The following PATJ variants were observed in gnomAD, a reference collection of about 807,000 sequenced individuals.
PATJ encodes the protein PATJ crumbs cell polarity complex component, also known as inaD-like protein.
A neutral mutation model predicts 224.9 loss-of-function variants in PATJ; 190 were observed. That is an observed-to-expected ratio of 0.84 (90% confidence interval 0.75 to 0.95). The LOEUF is 0.95. Among genes scored for constraint, PATJ ranks in the 40% least tolerant of loss-of-function variants. PATJ has a pLI of 0.00. For synonymous variants in PATJ, 769 were observed against 820.3 expected (o/e 0.94, Z 1.07); for missense variants, 2,121 against 2,270.3 (o/e 0.93, Z 1.34).
At chr1:61,914,899 A>G (rs960423853) in intron 26 of PATJ, among the ~76,000 whole-genome samples, 8 of 152,186 alleles carry the variant, frequency 5.3e-5, no homozygotes, top group African/African-American at 1.9e-4. Flanking sequence ...ATCAACGTCT[A>G]TAGATTTCTT....
intron 27 of PATJ, among the ~76,000 whole-genome samples, chr1:61,938,046 A>G (rs1460028878): frequency 4.6e-5 from 7 of 152,126 alleles, no homozygotes; most frequent in Admixed American, 6.5e-5. Context: ...TGTTTTCTCC[A>G]TCTTGGTACT....
chr1:62,154,481 C>CA (rs1187694631), intron 43 of PATJ, among the ~76,000 whole-genome samples: 1 of 151,704 alleles, frequency 6.6e-6, no homozygotes, highest in Non-Finnish European at 1.5e-5. Context: ...GTCAACATGG[C>CA]AAAACCCGTC....
At chr1:61,985,116 A>G (rs988388798) in intron 27 of PATJ, among the ~76,000 whole-genome samples, 2 of 152,088 alleles carry the variant, frequency 1.3e-5, no homozygotes, top group African/African-American at 2.4e-5. Context: ...GATCAAGACC[A>G]TCTTGGCCAA....
At chr1:62,133,559 C>CAA in intron 41 of PATJ, among the ~76,000 whole-genome samples, 1 of 152,124 alleles carries the variant, frequency 6.6e-6, no homozygotes, top group East Asian at 1.9e-4. Context: ...CCAGCCTAGT[C>CAA]GAGAGTGAGA....
At chr1:61,853,085 A>G (rs934450189) in intron 17 of PATJ, among the ~76,000 whole-genome samples, 2 of 152,202 alleles carry the variant, frequency 1.3e-5, no homozygotes, top group Non-Finnish European at 2.9e-5. Flanking sequence ...AGTGTTTAGC[A>G]TAACTAGTGG....
intron 28 of PATJ, among the ~76,000 whole-genome samples, chr1:62,001,221 T>C (rs1386150704): frequency 2.0e-5 from 3 of 151,640 alleles, no homozygotes; most frequent in African/African-American, 7.3e-5. Context: ...ATTTTGGCTT[T>C]TGTTGCCATT....
intron 27 of PATJ, among the ~76,000 whole-genome samples, chr1:61,959,229 A>G (rs1571508982): frequency 6.6e-6 from 1 of 152,138 alleles, no homozygotes; most frequent in Non-Finnish European, 1.5e-5. Context: ...CTTTTTTGAA[A>G]GAAATTAGTA....
chr1:61,791,427 A>G lies in PATJ; in HGVS notation c.1148A>G (p.Tyr383Cys), dbSNP rs373035473. ...AGTCTTGGAATTAGAATTGTTGGCT[A>G]TGTTGGAACATCTCATACAGGTAAA... is the stretch of plus-strand genomic sequence containing the variant. ...GQSLGIRIVG[Y>C]VGTSHTGEAS... is the part of the protein sequence containing the mutation. Residue 383 changes from tyrosine to cysteine, a missense_variant, in exon 9 of 44, where the codon TAT becomes TGT. By Grantham distance (194) the Tyr-to-Cys change is radical. Coordinates refer to ENST00000642238, the MANE Select transcript of PATJ (RefSeq NM_001350145.3). The G allele has an allele frequency of 3.4e-5, 54 of 1,595,662 alleles. No individual in the cohort carries two copies. Among genetic ancestry groups the G allele is most frequent in the Non-Finnish European group, 4.4e-5 (51 of 1,163,442 alleles).
At chr1:61,828,678 G>A (rs991114594) in intron 16 of PATJ, among the ~76,000 whole-genome samples, 11 of 152,110 alleles carry the variant, frequency 7.2e-5, no homozygotes, top group African/African-American at 2.4e-4. Context: ...AGGTGTGAGC[G>A]ACTGTACCCA....
At chr1:62,060,106 A>G (rs1411232995) in intron 31 of PATJ, among the ~76,000 whole-genome samples, 1 of 152,230 alleles carries the variant, frequency 6.6e-6, no homozygotes, top group East Asian at 1.9e-4. Context: ...CCTGATAGAA[A>G]CAGCAATAAT....
At chr1:61,810,509 C>T (rs34202517) in intron 14 of PATJ, among the ~76,000 whole-genome samples, 15,563 of 151,672 alleles carry the variant, frequency 0.1, 1,043 homozygotes, top group Admixed American at 0.14. Flanking sequence ...CCAGCCTGGC[C>T]AACATAGTGA....
intron 14 of PATJ, among the ~76,000 whole-genome samples, chr1:61,809,029 G>A (rs1654150921): frequency 6.6e-6 from 1 of 152,256 alleles, no homozygotes; most frequent in African/African-American, 2.4e-5. Context: ...TTCAGGTTCA[G>A]ATGTTCAAGG....
chr1:62,137,608 G>A (rs1010345564), intron 41 of PATJ, among the ~76,000 whole-genome samples: 35 of 60,910 alleles, frequency 5.7e-4, no homozygotes, highest in Non-Finnish European at 7.7e-4. Flanking sequence ...CCGGAGGGGG[G>A]GACACAGAGT....
intron 9 of PATJ, 103 bp downstream of exon 9, chr1:61,791,550 A>C (rs1649869947): frequency 4.2e-6 from 3 of 721,542 alleles, no homozygotes; most frequent in Non-Finnish European, 6.9e-6. Context: ...AATCTTGAAC[A>C]ATAAAACCAT....
intron 26 of PATJ, among the ~76,000 whole-genome samples, chr1:61,922,781 A>G (rs1270150949): frequency 1.3e-5 from 2 of 152,246 alleles, no homozygotes; most frequent in African/African-American, 4.8e-5. Context: ...AGATGTGAAC[A>G]TTCATCAAGT....
chr1:61,869,601 T>C (rs982418988), intron 20 of PATJ, among the ~76,000 whole-genome samples: 3 of 152,126 alleles, frequency 2.0e-5, no homozygotes, highest in Non-Finnish European at 4.4e-5. Flanking sequence ...ATCTAAAGTA[T>C]CTTTAGTTTA....
chr1:61,985,586 T>C (rs1644710367), intron 27 of PATJ, among the ~76,000 whole-genome samples: 1 of 152,084 alleles, frequency 6.6e-6, no homozygotes, highest in South Asian at 2.1e-4. Context: ...GTTTTGATTC[T>C]ACACTTGACT....
intron 33 of PATJ, among the ~76,000 whole-genome samples, chr1:62,095,102 C>T (rs911211362): frequency 1.3e-5 from 2 of 152,144 alleles, no homozygotes; most frequent in Non-Finnish European, 2.9e-5. Flanking sequence ...ACAACATCAG[C>T]TCGGCAAACA....
chr1:61,903,482 A>T (rs1671466657), intron 24 of PATJ, among the ~76,000 whole-genome samples: 1 of 152,212 alleles, frequency 6.6e-6, no homozygotes, highest in South Asian at 2.1e-4. Flanking sequence ...TCCATATAAT[A>T]ATAGTCAGTT....
Sources: gnomAD v4.1 joint callset for allele counts (sites outside exome capture counted in the v4.1 genomes callset) on GRCh38, gnomAD v4.1.1 for gene constraint, MANE v1.5 for transcripts, NCBI Gene and HGNC (gene_info 2026-07-23, HGNC 2026-07-21) for gene names.